SYNPR: variants seen among roughly 807,000 people sequenced by gnomAD.
SYNPR encodes the protein synaptoporin.
In SYNPR, 23 loss-of-function variants were observed where a neutral mutation model predicts 32.9. That is an observed-to-expected ratio of 0.70 (90% CI 0.50 to 0.99). The LOEUF is 0.99. Among genes scored for constraint, SYNPR ranks in the 50% least tolerant of loss-of-function variants. The probability of loss-of-function intolerance (pLI) is 0.00; values close to 1 mark genes in which losing one functional copy is unlikely to be tolerated. For missense variants in SYNPR, 318 were observed against 349.3 expected (o/e 0.91, Z 0.71); for synonymous variants, 146 against 135.9 (o/e 1.07, Z -0.52).
intron 2 of SYNPR, among the ~76,000 whole-genome samples, chr3:63,451,660 G>A (rs553516837): frequency 1.1e-4 from 17 of 152,078 alleles, no homozygotes; most frequent in South Asian, 2.1e-4. Context: ...TGACTTCAAC[G>A]CTCTCCCCTC....
chr3:63,211,297 C>T, the SYNPR span, among the ~76,000 whole-genome samples: 2 of 152,216 alleles, frequency 1.3e-5, no homozygotes, highest in South Asian at 4.1e-4. Context: ...GAACTCCTGA[C>T]CTCAAATGAT....
At chr3:63,479,764 C>T (rs1701009312) in intron 2 of SYNPR, among the ~76,000 whole-genome samples, 3 of 152,118 alleles carry the variant, frequency 2.0e-5, no homozygotes, top group Non-Finnish European at 4.4e-5. Context: ...AACATCAATG[C>T]TATTTTTCAG....
At chr3:63,596,126 C>T (rs1238104318) in intron 4 of SYNPR, among the ~76,000 whole-genome samples, 1 of 150,220 alleles carries the variant, frequency 6.7e-6, no homozygotes, top group Non-Finnish European at 1.5e-5. Context: ...GGTATATCTC[C>T]CTCCTTTGGA....
chr3:63,290,127 C>T (rs575528684), intron 2 of SYNPR, among the ~76,000 whole-genome samples: 3 of 76,730 alleles, frequency 3.9e-5, no homozygotes, highest in Admixed American at 3.5e-4. Flanking sequence ...AAGACTCCGT[C>T]TCAAAAAACA....
At chr3:63,251,463 G>A (rs1167752923) in intron 1 of SYNPR, among the ~76,000 whole-genome samples, 1 of 152,086 alleles carries the variant, frequency 6.6e-6, no homozygotes, top group Admixed American at 6.6e-5. Flanking sequence ...AAGAAAACTT[G>A]CTTCTTGTTT....
intron 3 of SYNPR, among the ~76,000 whole-genome samples, chr3:63,273,238 T>C (rs1043417047): frequency 6.6e-6 from 1 of 152,198 alleles, no homozygotes; most frequent in African/African-American, 2.4e-5. Context: ...CAATGAAAAC[T>C]GCAAATCATC....
chr3:63,528,630 T>C (rs913007193), intron 3 of SYNPR, among the ~76,000 whole-genome samples: 13 of 137,004 alleles, frequency 9.5e-5, no homozygotes, highest in Non-Finnish European at 2.2e-4. Flanking sequence ...TGTAAGAAGA[T>C]GCATTTTTTT....
intron 3 of SYNPR, among the ~76,000 whole-genome samples, chr3:63,520,992 T>G (rs923546164): frequency 5.9e-5 from 9 of 152,160 alleles, no homozygotes; most frequent in African/African-American, 2.2e-4. Flanking sequence ...CTAAACATTT[T>G]CAGTTAAAGG....
intron 2 of SYNPR, among the ~76,000 whole-genome samples, chr3:63,434,716 T>C (rs1290465109): frequency 6.6e-6 from 1 of 152,200 alleles, no homozygotes; most frequent in Non-Finnish European, 1.5e-5. Context: ...CTTTAAGAAA[T>C]GTGTGTTAGG....
At chr3:63,322,323 T>C (rs1236378583) in intron 2 of SYNPR, among the ~76,000 whole-genome samples, 2 of 152,100 alleles carry the variant, frequency 1.3e-5, no homozygotes, top group East Asian at 3.9e-4. Context: ...GACTAGGTAC[T>C]GTGCTAGGCA....
At chr3:63,595,591 C>A (rs1037054059) in intron 4 of SYNPR, among the ~76,000 whole-genome samples, 43 of 149,922 alleles carry the variant, frequency 2.9e-4, no homozygotes, top group South Asian at 2.1e-4. Flanking sequence ...TCATAAAATA[C>A]AAACAGTAGT....
At chr3:63,227,732 G>C (rs1339295752), upstream of SYNPR, among the ~76,000 whole-genome samples, 1 of 152,198 alleles carries the variant, frequency 6.6e-6, no homozygotes, top group Non-Finnish European at 1.5e-5. Context: ...TGCAAGCTGA[G>C]TCTGTCCTAT....
At chr3:63,258,622 A>G (rs1432867311) in intron 2 of SYNPR, among the ~76,000 whole-genome samples, 2 of 152,164 alleles carry the variant, frequency 1.3e-5, no homozygotes, top group African/African-American at 4.8e-5. Flanking sequence ...GAAAGCAGGA[A>G]AGATCTAAAA....
chr3:63,532,437 G>C, intron 3 of SYNPR, among the ~76,000 whole-genome samples: 1 of 152,182 alleles, frequency 6.6e-6, no homozygotes, highest in East Asian at 1.9e-4. Context: ...GATTAATTCA[G>C]AGCATCCTTT....
At chr3:63,248,262 C>A (rs1451110289) in intron 1 of SYNPR, among the ~76,000 whole-genome samples, 2 of 152,128 alleles carry the variant, frequency 1.3e-5, no homozygotes, top group East Asian at 3.9e-4. Flanking sequence ...CCTCTCTGAA[C>A]ATGAGGCTCC....
At chr3:63,406,206 A>T (rs1216351568) in intron 2 of SYNPR, among the ~76,000 whole-genome samples, 1 of 129,464 alleles carries the variant, frequency 7.7e-6, no homozygotes. Flanking sequence ...ATGCAGCTTT[A>T]AAAAAAAAAA....
At chr3:63,520,572 T>TTGAG (rs1407417374) in intron 3 of SYNPR, among the ~76,000 whole-genome samples, 1 of 150,960 alleles carries the variant, frequency 6.6e-6, no homozygotes, top group African/African-American at 2.4e-5. Flanking sequence ...ACTGAGGAGG[T>TTGAG]TGAGGCAGAA....
intron 2 of SYNPR, among the ~76,000 whole-genome samples, chr3:63,290,858 T>C (rs1385528427): frequency 3.3e-5 from 5 of 152,204 alleles, no homozygotes; most frequent in East Asian, 1.9e-4. Context: ...ATCCATCTGG[T>C]CTACTCTGAG....
chr3:63,357,284 C>A (rs1401226675), intron 2 of SYNPR, among the ~76,000 whole-genome samples: 1 of 152,128 alleles, frequency 6.6e-6, no homozygotes, highest in Non-Finnish European at 1.5e-5. Flanking sequence ...GTCCCCTTAC[C>A]AACATCTCAG....
Sources: allele counts gnomAD v4.1 joint callset (sites outside exome capture counted in the v4.1 genomes callset), GRCh38; gene constraint gnomAD v4.1.1; transcripts MANE v1.5; gene names NCBI Gene and HGNC (gene_info 2026-07-23, HGNC 2026-07-21).